SYCP2L: variants seen among roughly 807,000 people sequenced by gnomAD.
The protein encoded by SYCP2L is synaptonemal complex protein 2-like.
Under a neutral mutation model 125.8 loss-of-function variants are expected in SYCP2L, and 98 were observed. The ratio of observed to expected loss-of-function variants is 0.78; its 90% CI spans 0.66 to 0.92. SYCP2L has a LOEUF of 0.92. Among genes scored for constraint, SYCP2L ranks in the 40% least tolerant of loss-of-function variants. SYCP2L has a pLI of 0.00. For synonymous variants in SYCP2L, 317 were observed against 325.4 expected (o/e 0.97, Z 0.28); for missense variants, 842 against 936.4 (o/e 0.90, Z 1.32).
chr6:10,889,588 C>G (rs1222824958), intron 1 of SYCP2L, among the ~76,000 whole-genome samples: 1 of 149,150 alleles, frequency 6.7e-6, no homozygotes, highest in Non-Finnish European at 1.5e-5. Flanking sequence ...CTAGTGACCA[C>G]TATTCTCTCT....
intron 2 of SYCP2L, 86 bp downstream of exon 2, chr6:10,891,667 GTGTATATGAGTGTATGTAT>G: frequency 2.5e-6 from 2 of 815,352 alleles, no homozygotes; most frequent in Non-Finnish European, 3.8e-6. Context: ...GTGTGTGTAT[GTGTATATGAGTGTATGTAT>G]TCTTTCTAGT....
At chr6:10,931,168 C>T (rs186009377) in intron 19 of SYCP2L, among the ~76,000 whole-genome samples, 1 of 152,186 alleles carries the variant, frequency 6.6e-6, no homozygotes, top group Non-Finnish European at 1.5e-5. Context: ...GAGACCCTGT[C>T]TCAAACGAAA....
At position 10,902,978 on chromosome 6, in the gene SYCP2L, A is replaced by AGTCACT; in HGVS notation, c.641+15_641+16insGTCACT. 1 of 1,605,648 alleles carries AGTCACT rather than the reference A, an allele frequency of 6.2e-7. No homozygotes were observed. The highest frequency in any genetic ancestry group is 8.5e-7 in the Non-Finnish European group (1 of 1,172,346). ...TGTCATCTTATGTAAGTGACTTTGT[A>AGTCACT]TAAGTTACGTGCTGTAGTAAGGGTA... On this transcript the variant is annotated intron_variant, in intron 8 of 29. Transcript: ENST00000283141.
chr6:10,918,951 T>C lies in SYCP2L; in HGVS notation c.1073-5545T>C, dbSNP rs562874121. ...GATTGTTTTTTATTTATGCCATCTATTTCATTGAATAGTTCTCCTTTCACT... is the reference window on the plus strand; with the variant it reads ...GATTGTTTTTTATTTATGCCATCTACTTCATTGAATAGTTCTCCTTTCACT... On this transcript the variant is annotated intron_variant, in intron 14 of 29. Coordinates refer to ENST00000283141, the MANE Select transcript of SYCP2L (RefSeq NM_001040274.3). Among the ~76,000 whole-genome samples the C allele has an allele frequency of 8.5e-5, 13 of 152,366 alleles. 2 individuals carry two copies. The South Asian group carries it at 2.7e-3, about 32-fold the overall frequency.
intron 10 of SYCP2L, among the ~76,000 whole-genome samples, chr6:10,908,474 GTGA>G (rs986844393): frequency 5.9e-5 from 9 of 152,126 alleles, no homozygotes; most frequent in Non-Finnish European, 1.0e-4. Context: ...TGGGCTTCCT[GTGA>G]TTGTGTCCTC....
chr6:10,913,271 C>A (rs1780639508), intron 14 of SYCP2L, among the ~76,000 whole-genome samples: 1 of 152,148 alleles, frequency 6.6e-6, no homozygotes. Flanking sequence ...ACATGTCATC[C>A]TAGTTCCTCT....
intron 23 of SYCP2L, among the ~76,000 whole-genome samples, chr6:10,947,681 C>G (rs1781340250): frequency 6.6e-6 from 1 of 152,026 alleles, no homozygotes; most frequent in Non-Finnish European, 1.5e-5. Context: ...GTAGATGATT[C>G]TATTACTTGC....
intron 20 of SYCP2L, among the ~76,000 whole-genome samples, chr6:10,932,639 TC>T (rs1781015724): frequency 6.6e-6 from 1 of 152,246 alleles, no homozygotes; most frequent in Non-Finnish European, 1.5e-5. Flanking sequence ...AAGTATTTAT[TC>T]ATTGAATAGT....
At chr6:10,962,928 T>C (rs1411528913) in intron 28 of SYCP2L, among the ~76,000 whole-genome samples, 2 of 152,198 alleles carry the variant, frequency 1.3e-5, no homozygotes, top group East Asian at 3.8e-4. Flanking sequence ...ACCAAAATAA[T>C]TTTGACTTCA....
chr6:10,930,019 A>C (rs1328654574), intron 18 of SYCP2L: 1 of 158,828 alleles, frequency 6.3e-6, no homozygotes, highest in African/African-American at 2.4e-5. Flanking sequence ...TTGTCTTTGC[A>C]AAAAATATTC....
chr6:10,891,646 T>C (rs1265700501), intron 2 of SYCP2L, 65 bp downstream of exon 2: 2 of 884,694 alleles, frequency 2.3e-6, no homozygotes, highest in Non-Finnish European at 3.6e-6. Flanking sequence ...TGTGTGTGTG[T>C]GTGTGTGTGT....
At chr6:10,970,166 C>T (rs149878246) in intron 29 of SYCP2L, among the ~76,000 whole-genome samples, 2 of 152,306 alleles carry the variant, frequency 1.3e-5, no homozygotes, top group African/African-American at 4.8e-5. Context: ...AAGGATATGA[C>T]ATTTGAGCTG....
At chr6:10,941,471 A>G (rs567641889) in intron 21 of SYCP2L, among the ~76,000 whole-genome samples, 123 of 152,314 alleles carry the variant, frequency 8.1e-4, no homozygotes, top group Non-Finnish European at 7.2e-4. Context: ...AAACAACCCC[A>G]TCCAAAAGTG....
At position 10,912,957 on chromosome 6, in the gene SYCP2L, C is replaced by A; in HGVS notation, c.1072+30C>A. The A allele has an allele frequency of 6.3e-7, 1 of 1,596,282 alleles. No individual in the cohort carries two copies. The highest frequency in any genetic ancestry group is 8.6e-7 in the Non-Finnish European group (1 of 1,167,604). On this transcript the variant is annotated intron_variant, in intron 14 of 29. Coordinates refer to ENST00000283141, the MANE Select transcript of SYCP2L (RefSeq NM_001040274.3). This position sits in a 1 kb window ranked among gnomAD's most constrained non-coding sequence, Gnocchi z 4.1. ...TATGATACATTTAAACAACCCACGT[C>A]CAGTTCCAAATATTATTTCTGTTGT...
At chr6:10,941,233 C>T (rs1298210007) in intron 21 of SYCP2L, among the ~76,000 whole-genome samples, 5 of 152,270 alleles carry the variant, frequency 3.3e-5, no homozygotes, top group African/African-American at 1.2e-4. Flanking sequence ...ATTCAGGACA[C>T]AGGCATGGGC....
intron 29 of SYCP2L, among the ~76,000 whole-genome samples, chr6:10,972,151 A>G (rs1248660944): frequency 6.6e-6 from 1 of 152,184 alleles, no homozygotes; most frequent in Non-Finnish European, 1.5e-5. Flanking sequence ...CATCCAGGTT[A>G]TTTTTAATTA....
At chr6:10,898,780 GT>G in intron 5 of SYCP2L, 43 bp from the exon 6 acceptor site, 1 of 1,246,446 alleles carries the variant, frequency 8.0e-7, no homozygotes, top group Admixed American at 1.8e-5. Context: ...TTATCATGCT[GT>G]TTTAAAATAA....
chr6:10,888,051 T>C (rs899585069), intron 1 of SYCP2L, among the ~76,000 whole-genome samples: 2 of 138,880 alleles, frequency 1.4e-5, no homozygotes, highest in African/African-American at 5.2e-5. Flanking sequence ...AATCCTTCCA[T>C]ATAGGTGTTA....
chr6:10,930,478 A>G lies in SYCP2L; in HGVS notation c.1597A>G (p.Ser533Gly), dbSNP rs771135799. 5 of 1,613,036 alleles carry G rather than the reference A, an allele frequency of 3.1e-6. No individual in the cohort carries two copies. In the Admixed American group the frequency reaches 6.7e-5, roughly 22 times the overall value. The change falls in exon 19 of 30, where the codon AGT (serine) becomes GGT (glycine). Residue 533 changes from serine (S) to glycine (G), a missense_variant. Ser to Gly is a moderately conservative substitution (Grantham distance 56, BLOSUM62 0). Coordinates refer to ENST00000283141, the MANE Select transcript of SYCP2L (RefSeq NM_001040274.3). Reference protein sequence around the residue: ...QKKKSLKSYSSRKKTRTRSNL... With the variant: ...QKKKSLKSYSGRKKTRTRSNL... ...AAAGAAATCCCTAAAATCATATTCC[A>G]GTAGAAAGAAGACAAGAACCAGAAG...
Sources: gnomAD v4.1 joint callset for allele counts (sites outside exome capture counted in the v4.1 genomes callset) on GRCh38, gnomAD v4.1.1 for gene constraint, Gnocchi (gnomAD v3.1) non-coding constraint, MANE v1.5 for transcripts, NCBI Gene and HGNC (gene_info 2026-07-23, HGNC 2026-07-21) for gene names.